FIG4: variants seen among roughly 807,000 people sequenced by gnomAD.
FIG4 encodes polyphosphoinositide phosphatase.
FIG4 carries 112 observed loss-of-function variants against 118.6 expected under a neutral mutation model. The observed-to-expected ratio is 0.94, with a 90% CI of 0.81 to 1.11. The LOEUF is 1.11. Among genes scored for constraint, FIG4 ranks in the 50% least tolerant of loss-of-function variants. The pLI is 0.00. For synonymous variants in FIG4, 369 were observed against 381.2 expected, an observed-to-expected ratio of 0.97 and a Z score of 0.37; for missense variants, 969 against 1,111.7, an observed-to-expected ratio of 0.87 and a Z score of 1.83.
intron 1 of FIG4, among the ~76,000 whole-genome samples, chr6:109,706,520 T>C (rs1018270378): frequency 6.6e-6 from 1 of 152,216 alleles, no homozygotes; most frequent in African/African-American, 2.4e-5. Context: ...TGGCGCATTT[T>C]CCCATTGTGA....
Position 109,711,519 on chromosome 6 carries a change from C to T in FIG4, c.67-3559C>T, listed in dbSNP as rs190824393. Among the ~76,000 whole-genome samples the T allele has an allele frequency of 3.0e-3, 452 of 152,012 alleles. 1 individual carries two copies. Among genetic ancestry groups the T allele is most frequent in the Middle Eastern group, 0.01 (3 of 294 alleles). ...TGAACCCTTTATCATTATGTAATGCCATTCTTTGTCTTTTTTTTTAAAGCT... is the reference window on the plus strand; with the variant it reads ...TGAACCCTTTATCATTATGTAATGCTATTCTTTGTCTTTTTTTTTAAAGCT... On this transcript the variant is annotated intron_variant, in intron 1 of 22. Transcript: ENST00000230124.
rs1450716080 is a variant in FIG4, at chr6:109,693,758, G to A, written c.66+2257G>A. On this transcript the variant is annotated intron_variant, in intron 1 of 22. Coordinates refer to ENST00000230124, the MANE Select transcript of FIG4 (RefSeq NM_014845.6). ...GGGGGGGTCTGGCAGGAATGATTTA[G>A]CTGTGGAATCAGGATCCTCTTTGTT... Among the ~76,000 whole-genome samples, 9 of 152,152 alleles carry A rather than the reference G, an allele frequency of 5.9e-5. No individual in the cohort carries two copies. The East Asian group carries it at 1.5e-3, about 26-fold the overall frequency.
intron 16 of FIG4, among the ~76,000 whole-genome samples, chr6:109,783,880 T>C (rs373642421): frequency 1.3e-5 from 2 of 152,220 alleles, no homozygotes; most frequent in South Asian, 4.1e-4. Context: ...AACAAAACTT[T>C]AGGAACCTTT....
chr6:109,750,480 T>C (rs1362704923), intron 10 of FIG4, among the ~76,000 whole-genome samples: 1 of 151,948 alleles, frequency 6.6e-6, no homozygotes, highest in African/African-American at 2.4e-5. Context: ...AAAATTTTTT[T>C]TTTTCAATTA....
Position 109,791,496 on chromosome 6 carries a change from A to G in FIG4, c.2301A>G (p.Glu767=), listed in dbSNP as rs771463172. ...AGGATGACTCTGGGACTGATCGGGA[A>G]GAAGAGGGCTCTGTGTCTCAGCGCT... ...SSEDDSGTDR[E]EEGSVSQRST... The change falls in exon 20 of 23, where the codon GAA becomes GAG. Residue 767 remains glutamate, a synonymous_variant. Coordinates refer to ENST00000230124, the MANE Select transcript of FIG4 (RefSeq NM_014845.6). 6 of 1,613,956 alleles carry G rather than the reference A, an allele frequency of 3.7e-6. No homozygotes were observed. The Admixed American group carries it at 6.7e-5, about 18-fold the overall frequency.
chr6:109,704,939 C>T (rs183221688), intron 1 of FIG4, among the ~76,000 whole-genome samples: 4 of 152,078 alleles, frequency 2.6e-5, no homozygotes, highest in Admixed American at 6.5e-5. Context: ...TGTTACGATA[C>T]CTGCAACTCA....
At chr6:109,717,646 G>A (rs1449842497) in intron 3 of FIG4, among the ~76,000 whole-genome samples, 2 of 152,176 alleles carry the variant, frequency 1.3e-5, no homozygotes, top group South Asian at 2.1e-4. Flanking sequence ...GATGAGACTT[G>A]AGCTGTACCT....
chr6:109,759,702 T>C (rs1368739530), intron 10 of FIG4, among the ~76,000 whole-genome samples: 3 of 152,236 alleles, frequency 2.0e-5, no homozygotes, highest in Non-Finnish European at 4.4e-5. Context: ...GTTCCATGAA[T>C]GCCTCTCCAC....
At chr6:109,692,986 A>T (rs1774578212) in intron 1 of FIG4, among the ~76,000 whole-genome samples, 2 of 152,234 alleles carry the variant, frequency 1.3e-5, no homozygotes, top group Admixed American at 1.3e-4. Flanking sequence ...ATCTGGCCGT[A>T]AATAAAACAC....
chr6:109,758,984 C>T (rs868388779), intron 10 of FIG4, among the ~76,000 whole-genome samples: 8 of 152,302 alleles, frequency 5.3e-5, no homozygotes, highest in African/African-American at 9.6e-5. Context: ...GAAGTAGGAA[C>T]GCTTTTACAC....
chr6:109,811,014 G>A (rs965059815), intron 22 of FIG4, among the ~76,000 whole-genome samples: 8 of 152,136 alleles, frequency 5.3e-5, no homozygotes, highest in African/African-American at 1.4e-4. Flanking sequence ...GCTTAGAAAG[G>A]TTTTATTTTT....
At position 109,716,580 on chromosome 6, in the gene FIG4, GC is replaced by G. The variant is rs754941486; in HGVS notation, c.289+18del. The G allele has an allele frequency of 1.9e-5, 31 of 1,613,186 alleles. No homozygotes were observed. The highest frequency in any genetic ancestry group is 2.4e-5 in the Non-Finnish European group (28 of 1,179,462). ...TTTTGGTGTTGTGGGTAAGAAATCT[GC>G]CCCCCTTCTTACAATCTCTTGTTTT... On this transcript the variant is annotated intron_variant, in intron 3 of 22. Coordinates refer to ENST00000230124, the MANE Select transcript of FIG4 (RefSeq NM_014845.6).
At chr6:109,770,474 A>G (rs1562674213) in intron 15 of FIG4, among the ~76,000 whole-genome samples, 1 of 152,156 alleles carries the variant, frequency 6.6e-6, no homozygotes, top group South Asian at 2.1e-4. Flanking sequence ...GGATCTAAAG[A>G]GAAAAGCTCC....
Position 109,816,920 on chromosome 6 carries a change from C to T in FIG4, c.2547-8168C>T, listed in dbSNP as rs1778876815. Among the ~76,000 whole-genome samples the T allele has an allele frequency of 3.9e-5, 6 of 152,224 alleles. No homozygotes were observed. The South Asian group carries it at 1.2e-3, about 31-fold the overall frequency. On this transcript the variant is annotated intron_variant, in intron 22 of 22. Transcript: ENST00000230124. ...ATAAGACACACGCCATTACTGCAAT[C>T]CATTGGTCTGAGTTTCCAGGAGTGA...
Position 109,784,984 on chromosome 6 carries a change from G to T in FIG4, c.1904G>T (p.Trp635Leu). ...TTATTTTATAGTTATACTTACTGGT[G>T]GACACCAGAGGTGATAAAGCATTTA... ...LPTRRSYTYW[W>L]TPEVIKHLPL... Residue 635 changes from tryptophan (W) to leucine (L), a missense_variant, in exon 17 of 23, where the codon TGG (tryptophan) becomes TTG (leucine). Trp to Leu is a moderately conservative substitution (Grantham distance 61, BLOSUM62 -2). Around this residue, in one of 3 missense-constraint regions of FIG4, gnomAD observed 330 missense variants for 348.1 expected, o/e 0.95. Transcript: ENST00000230124. 6.4e-7 allele frequency: 1 copy of T among 1,551,658 alleles called. No homozygotes were observed.
intron 22 of FIG4, among the ~76,000 whole-genome samples, chr6:109,811,357 A>C (rs1397576055): frequency 6.6e-6 from 1 of 152,210 alleles, no homozygotes; most frequent in Non-Finnish European, 1.5e-5. Context: ...GTACTCAAGC[A>C]GAGGCAGATG....
intron 3 of FIG4, among the ~76,000 whole-genome samples, chr6:109,724,455 C>T (rs1327931272): frequency 6.6e-6 from 1 of 152,192 alleles, no homozygotes; most frequent in Non-Finnish European, 1.5e-5. Context: ...TATGAAACAG[C>T]ATTGAGAAAT....
intron 18 of FIG4, among the ~76,000 whole-genome samples, chr6:109,789,080 G>T (rs907326079): frequency 1.1e-4 from 17 of 152,182 alleles, no homozygotes; most frequent in African/African-American, 4.1e-4. Flanking sequence ...TGATCATTAT[G>T]TCTACCTCCT....
intron 10 of FIG4, among the ~76,000 whole-genome samples, chr6:109,748,726 T>C (rs1296538720): frequency 2.0e-5 from 3 of 151,992 alleles, no homozygotes; most frequent in African/African-American, 4.8e-5. Flanking sequence ...CACAATCATA[T>C]CGGAAAGCAA....
Sources: allele counts gnomAD v4.1 joint callset (sites outside exome capture counted in the v4.1 genomes callset), GRCh38; gene constraint gnomAD v4.1.1; regional missense constraint gnomAD v4.1.1; transcripts MANE v1.5; gene names NCBI Gene and HGNC (gene_info 2026-07-23, HGNC 2026-07-21).